Variants in MYT1L observed in about 807,000 individuals in gnomAD.
The protein encoded by MYT1L is myelin transcription factor 1 like.
Under a neutral mutation model 126.7 loss-of-function variants are expected in MYT1L, and 12 were observed. That is an observed-to-expected ratio of 0.09 (90% CI 0.06 to 0.15). MYT1L has a LOEUF of 0.15. Ranked by LOEUF, MYT1L falls within the 10% of genes least tolerant of loss-of-function variation. The pLI, the probability that MYT1L is intolerant of heterozygous loss-of-function variation, is 1.00. For synonymous variants in MYT1L, 541 were observed against 604.2 expected (o/e 0.90, Z 1.53); for missense variants, 979 against 1,585.2 (o/e 0.62, Z 6.49).
chr2:1,931,754 T>A (rs1259646764), intron 9 of MYT1L, among the ~76,000 whole-genome samples: 1 of 152,152 alleles, frequency 6.6e-6, no homozygotes, highest in Admixed American at 6.5e-5. Context: ...TAGAAGGGAT[T>A]CTCTGGACTG....
chr2:2,274,275 C>T (rs1231637326), intron 2 of MYT1L, among the ~76,000 whole-genome samples: 1 of 123,798 alleles, frequency 8.1e-6, no homozygotes, highest in East Asian at 2.5e-4. Flanking sequence ...GACTATTACA[C>T]ATCAATGGAA....
intron 21 of MYT1L, among the ~76,000 whole-genome samples, chr2:1,829,584 T>TTGACCCTCCCATGCACCTGTGAAC (rs2039835607): frequency 6.5e-5 from 3 of 46,488 alleles, no homozygotes; most frequent in Admixed American, 1.8e-4. Flanking sequence ...CACCTGTGAA[T>TTGACCCTCCCATGCACCTGTGAAC]TGACCCTCCC....
intron 4 of MYT1L, among the ~76,000 whole-genome samples, chr2:2,032,128 G>A (rs1429956071): frequency 7.7e-6 from 1 of 129,220 alleles, no homozygotes; most frequent in Non-Finnish European, 1.6e-5. Context: ...CTGTGGCCCA[G>A]AGCAGATTCT....
At chr2:1,842,467 G>GGAAGAGGAAAGAGGCGGC (rs1010381034) in intron 19 of MYT1L, 9 of 152,436 alleles carry the variant, frequency 5.9e-5, no homozygotes, top group Admixed American at 5.9e-4. Flanking sequence ...GCTCTTCACA[G>GGAAGAGGAAAGAGGCGGC]GAAGAGGAAA....
chr2:2,259,805 G>A (rs55927343), intron 2 of MYT1L, among the ~76,000 whole-genome samples: 2,458 of 152,250 alleles, frequency 0.016, 64 homozygotes, highest in African/African-American at 0.057. Context: ...AATGTGTGTC[G>A]CTGGCCAGGT....
intron 4 of MYT1L, among the ~76,000 whole-genome samples, chr2:2,051,013 G>C (rs183456002): frequency 4.2e-4 from 64 of 152,212 alleles, no homozygotes; most frequent in Admixed American, 4.6e-4. Context: ...CAATTTCAAG[G>C]ACTGAGAGGA....
At chr2:1,916,490 C>T (rs923203889) in intron 11 of MYT1L, among the ~76,000 whole-genome samples, 8 of 151,990 alleles carry the variant, frequency 5.3e-5, no homozygotes, top group African/African-American at 9.7e-5. Context: ...ATTCTAGCTG[C>T]GGTATTTAAT....
chr2:2,318,259 G>A (rs1439541234), intron 1 of MYT1L, among the ~76,000 whole-genome samples: 1 of 152,208 alleles, frequency 6.6e-6, no homozygotes, highest in African/African-American at 2.4e-5. Context: ...TAGGCTTAGT[G>A]TATTTTCTAA....
chr2:2,203,055 T>C (rs961952113), intron 2 of MYT1L, among the ~76,000 whole-genome samples: 2 of 150,022 alleles, frequency 1.3e-5, no homozygotes, highest in African/African-American at 4.9e-5. Flanking sequence ...AGAAAAGGCC[T>C]TTGACAAAAT....
intron 8 of MYT1L, among the ~76,000 whole-genome samples, chr2:1,973,965 G>A (rs544409916): frequency 6.6e-6 from 1 of 152,196 alleles, no homozygotes; most frequent in African/African-American, 2.4e-5. Flanking sequence ...ATATGCAGCA[G>A]CTTCCTCAAT....
At position 1,848,299 on chromosome 2, in the gene MYT1L, A is replaced by G. The variant is rs11127311; in HGVS notation, c.2774+3342T>C. ...TACAGACACCACGGAAGCGCGAGGC[A>G]TTTGTCCTGGGAGCAGGAGGAAGAA... On this transcript the variant is annotated intron_variant, in intron 19 of 24. Transcript: ENST00000647738. The surrounding 1 kb of genome is among the most constrained non-coding windows in gnomAD (Gnocchi z 4.8). Among the ~76,000 whole-genome samples, 14 of 49,522 alleles carry G rather than the reference A, an allele frequency of 2.8e-4. No individual in the cohort carries two copies. The highest frequency in any genetic ancestry group is 3.5e-3 in the East Asian group (2 of 568). The allele number at this position is 49,522 out of a possible 152,430, so 32.5% of individuals were successfully genotyped here. A position where few individuals can be genotyped will look rare whatever the true frequency, so the allele number is the denominator to read the frequency against.
At chr2:2,173,907 G>A (rs557708955) in intron 2 of MYT1L, among the ~76,000 whole-genome samples, 2 of 152,262 alleles carry the variant, frequency 1.3e-5, no homozygotes, top group African/African-American at 2.4e-5. Flanking sequence ...TGTACTTCCC[G>A]CCTGTAATAA....
intron 4 of MYT1L, among the ~76,000 whole-genome samples, chr2:2,047,893 A>G (rs1039810994): frequency 6.6e-6 from 1 of 152,186 alleles, no homozygotes; most frequent in African/African-American, 2.4e-5. Flanking sequence ...TTAAACCACC[A>G]CAGTACCATT....
At chr2:2,028,561 G>C (rs1574642827) in intron 4 of MYT1L, among the ~76,000 whole-genome samples, 1 of 152,064 alleles carries the variant, frequency 6.6e-6, no homozygotes, top group African/African-American at 2.4e-5. Context: ...GAGAATTTTA[G>C]AGGAAATTAA....
intron 18 of MYT1L, among the ~76,000 whole-genome samples, chr2:1,853,597 G>A (rs1335258513): frequency 3.3e-5 from 5 of 152,166 alleles, no homozygotes; most frequent in Admixed American, 2.0e-4. Flanking sequence ...TAATCGTGGT[G>A]CATGTATCTG....
intron 23 of MYT1L, among the ~76,000 whole-genome samples, chr2:1,800,693 A>T (rs117393619): frequency 6.6e-6 from 1 of 152,150 alleles, no homozygotes; most frequent in Non-Finnish European, 1.5e-5. Context: ...CAACCTCTGC[A>T]TTTACAGAGC....
At chr2:2,196,771 T>C (rs1185872561) in intron 2 of MYT1L, among the ~76,000 whole-genome samples, 7 of 151,870 alleles carry the variant, frequency 4.6e-5, no homozygotes, top group African/African-American at 1.4e-4. Flanking sequence ...TAATATAAAA[T>C]ACTAAATGCA....
chr2:2,102,900 C>A (rs553350621), intron 3 of MYT1L, among the ~76,000 whole-genome samples: 24 of 151,492 alleles, frequency 1.6e-4, no homozygotes, highest in African/African-American at 5.8e-4. Flanking sequence ...ATATAAGCAG[C>A]TTAAAAACAA....
chr2:2,200,807 G>T (rs1332826011), intron 2 of MYT1L, among the ~76,000 whole-genome samples: 1 of 152,238 alleles, frequency 6.6e-6, no homozygotes, highest in East Asian at 1.9e-4. Flanking sequence ...GCTCCGGTGT[G>T]TTGCTGAAGA....
Sources: gnomAD v4.1 joint callset for allele counts (sites outside exome capture counted in the v4.1 genomes callset) on GRCh38, gnomAD v4.1.1 for gene constraint, Gnocchi (gnomAD v3.1) non-coding constraint, MANE v1.5 for transcripts, NCBI Gene and HGNC (gene_info 2026-07-23, HGNC 2026-07-21) for gene names.